Variants in NAALADL2 observed in about 807,000 individuals in gnomAD.
NAALADL2 encodes the protein inactive N-acetylated-alpha-linked acidic dipeptidase-like protein 2.
A neutral mutation model predicts 87.2 loss-of-function variants in NAALADL2; 76 were observed. That is an observed-to-expected ratio of 0.87 (90% CI 0.72 to 1.05). The LOEUF (loss-of-function observed/expected upper bound fraction) is 1.05. Ranked by LOEUF, NAALADL2 falls within the 50% of genes least tolerant of loss-of-function variation. NAALADL2 has a pLI of 0.00. For synonymous variants in NAALADL2, 354 were observed against 331.0 expected (o/e 1.07, Z -0.75); for missense variants, 1,089 against 945.8 (o/e 1.15, Z -1.99).
intron 2 of NAALADL2, among the ~76,000 whole-genome samples, chr3:174,595,096 A>G (rs1717752677): frequency 6.6e-6 from 1 of 151,992 alleles, no homozygotes; most frequent in Non-Finnish European, 1.5e-5. Context: ...GCATAAAAAC[A>G]CTCATCATGG....
At chr3:174,912,018 C>G (rs984848938) in intron 1 of NAALADL2, among the ~76,000 whole-genome samples, 2 of 152,098 alleles carry the variant, frequency 1.3e-5, no homozygotes, top group African/African-American at 4.8e-5. Flanking sequence ...CCCATTATAA[C>G]AGTTGCCAAT....
At chr3:174,522,007 G>A (rs769573262) in intron 1 of NAALADL2, among the ~76,000 whole-genome samples, 8 of 152,072 alleles carry the variant, frequency 5.3e-5, no homozygotes, top group Non-Finnish European at 8.8e-5. Context: ...GCTGAAGCAG[G>A]AGGATCACTG....
At chr3:175,149,073 A>T (rs1238900228) in intron 2 of NAALADL2, among the ~76,000 whole-genome samples, 1 of 152,144 alleles carries the variant, frequency 6.6e-6, no homozygotes, top group Non-Finnish European at 1.5e-5. Context: ...GATTTTTCCT[A>T]TGCATGAGCC....
chr3:175,294,684 G>A (rs756282110), intron 4 of NAALADL2, among the ~76,000 whole-genome samples: 1 of 152,116 alleles, frequency 6.6e-6, no homozygotes, highest in Non-Finnish European at 1.5e-5. Flanking sequence ...TTCACTTTTT[G>A]GAATTAGAAG....
intron 11 of NAALADL2, among the ~76,000 whole-genome samples, chr3:175,642,047 A>G (rs767603301): frequency 1.3e-4 from 20 of 152,198 alleles, no homozygotes; most frequent in Non-Finnish European, 2.6e-4. Flanking sequence ...GTAAAGAAAC[A>G]GAACAATGCC....
At chr3:174,476,206 T>C (rs1429696266) in intron 1 of NAALADL2, among the ~76,000 whole-genome samples, 32 of 151,750 alleles carry the variant, frequency 2.1e-4, no homozygotes, top group Admixed American at 2.1e-3. Context: ...TAAATATCTG[T>C]CCTTGTAATT....
chr3:174,647,133 C>G (rs1321004987), intron 2 of NAALADL2, among the ~76,000 whole-genome samples: 1 of 152,118 alleles, frequency 6.6e-6, no homozygotes, highest in Non-Finnish European at 1.5e-5. Context: ...GTTAACAGAA[C>G]CTTTCTTTAT....
chr3:175,536,196 G>A (rs961984354), intron 9 of NAALADL2, among the ~76,000 whole-genome samples: 6 of 152,114 alleles, frequency 3.9e-5, no homozygotes, highest in South Asian at 2.1e-4. Flanking sequence ...AAATAGCTGC[G>A]TATTTGGCAA....
intron 3 of NAALADL2, among the ~76,000 whole-genome samples, chr3:174,844,888 T>A (rs1724436543): frequency 6.8e-6 from 1 of 146,796 alleles, no homozygotes; most frequent in South Asian, 2.2e-4. Context: ...GTTTTTTATA[T>A]GTCAGGCTCT....
chr3:174,660,438 C>G (rs911550810), intron 2 of NAALADL2, among the ~76,000 whole-genome samples: 18 of 152,098 alleles, frequency 1.2e-4, no homozygotes, highest in African/African-American at 3.4e-4. Flanking sequence ...TCATTAGATA[C>G]AGAGAGTTAA....
At chr3:175,408,649 C>A (rs2149082937) in intron 5 of NAALADL2, among the ~76,000 whole-genome samples, 1 of 152,010 alleles carries the variant, frequency 6.6e-6, no homozygotes, top group Admixed American at 6.6e-5. Flanking sequence ...TTTGAATAAT[C>A]ATAAAGACTG....
At chr3:174,912,900 T>A (rs1733889270) in intron 1 of NAALADL2, among the ~76,000 whole-genome samples, 1 of 152,208 alleles carries the variant, frequency 6.6e-6, no homozygotes, top group African/African-American at 2.4e-5. Context: ...CATGATAAAC[T>A]AGTCATTATG....
At chr3:174,782,349 T>C (rs908738937) in intron 3 of NAALADL2, among the ~76,000 whole-genome samples, 83 of 152,136 alleles carry the variant, frequency 5.5e-4, no homozygotes, top group African/African-American at 2.0e-3. Context: ...TTTTCAGTGG[T>C]ACTTTTACTA....
rs573587704 is a variant in NAALADL2, at chr3:174,968,742, G to T, written c.43+109292G>T. 6.4e-4 allele frequency among the ~76,000 whole-genome samples: 98 copies of T among 152,134 alleles called. 1 individual carries two copies. The highest frequency in any genetic ancestry group is 9.3e-4 in the Non-Finnish European group (63 of 68,004). On this transcript the variant is annotated intron_variant, in intron 1 of 13. Coordinates refer to ENST00000454872, the MANE Select transcript of NAALADL2 (RefSeq NM_207015.3). Reference sequence around the variant, plus strand: ...ATCCGCCGCCTCGGCCTCCCAAAGTGCTGAGACTACAGATGTGAGCCACTG... The same window carrying T: ...ATCCGCCGCCTCGGCCTCCCAAAGTTCTGAGACTACAGATGTGAGCCACTG...
intron 2 of NAALADL2, among the ~76,000 whole-genome samples, chr3:174,598,715 AG>A (rs2108604207): frequency 6.6e-6 from 1 of 152,310 alleles, no homozygotes; most frequent in East Asian, 1.9e-4. Context: ...GGACAGCAAA[AG>A]TTAACCAAAG....
intron 5 of NAALADL2, among the ~76,000 whole-genome samples, chr3:175,438,932 A>G (rs2058997): frequency 0.73 from 111,431 of 151,818 alleles, 41,278 homozygotes; most frequent in Middle Eastern, 0.83. Context: ...GTGATTTCTG[A>G]GATTTTGGTA....
At chr3:175,137,274 G>A (rs1729248525) in intron 2 of NAALADL2, among the ~76,000 whole-genome samples, 1 of 152,084 alleles carries the variant, frequency 6.6e-6, no homozygotes, top group Non-Finnish European at 1.5e-5. Context: ...GCACAAGGAT[G>A]TATAATTTTT....
At chr3:175,683,930 A>C (rs910966566) in intron 11 of NAALADL2, among the ~76,000 whole-genome samples, 2 of 152,080 alleles carry the variant, frequency 1.3e-5, no homozygotes, top group Non-Finnish European at 2.9e-5. Context: ...AGAGTGTAAG[A>C]TAAGAAAGTA....
intron 2 of NAALADL2, among the ~76,000 whole-genome samples, chr3:175,105,908 G>T (rs17588796): frequency 6.6e-6 from 1 of 151,784 alleles, no homozygotes; most frequent in African/African-American, 2.4e-5. Context: ...TTCACAAAAG[G>T]TATTTCCATG....
Sources: gnomAD v4.1 joint callset for allele counts (sites outside exome capture counted in the v4.1 genomes callset) on GRCh38, gnomAD v4.1.1 for gene constraint, MANE v1.5 for transcripts, NCBI Gene and HGNC (gene_info 2026-07-23, HGNC 2026-07-21) for gene names.